Variants in KCNJ3 observed in about 807,000 individuals in gnomAD.
KCNJ3 encodes the protein potassium inwardly rectifying channel subfamily J member 3, also known as G protein-activated inward rectifier potassium channel 1.
A neutral mutation model predicts 39.2 loss-of-function variants in KCNJ3; 4 were observed. The observed-to-expected ratio is 0.10, with a 90% confidence interval of 0.05 to 0.23. The LOEUF (loss-of-function observed/expected upper bound fraction) is 0.23, where lower values mean the gene tolerates loss of function less well. Among genes scored for constraint, KCNJ3 ranks in the 10% least tolerant of loss-of-function variants. The pLI, the probability that KCNJ3 is intolerant of heterozygous loss-of-function variation, is 1.00. For synonymous variants in KCNJ3, 230 were observed against 237.4 expected, an observed-to-expected ratio of 0.97 and a Z score of 0.29; for missense variants, 276 against 634.9, an observed-to-expected ratio of 0.43 and a Z score of 6.08.
intron 2 of KCNJ3, among the ~76,000 whole-genome samples, chr2:154,762,089 C>G (rs1686056640): frequency 6.6e-6 from 1 of 152,184 alleles, no homozygotes; most frequent in Non-Finnish European, 1.5e-5. Context: ...AATGAACGCT[C>G]CCTTGGAGCC....
intron 2 of KCNJ3, among the ~76,000 whole-genome samples, chr2:154,725,187 A>T (rs1186284796): frequency 6.6e-6 from 1 of 150,650 alleles, no homozygotes; most frequent in Non-Finnish European, 1.5e-5. Context: ...TTTTGATCAC[A>T]TTCCCACCTT....
chr2:154,730,211 A>G (rs1287088394), intron 2 of KCNJ3, among the ~76,000 whole-genome samples: 1 of 152,054 alleles, frequency 6.6e-6, no homozygotes, highest in Non-Finnish European at 1.5e-5. Flanking sequence ...TTATCTCTCC[A>G]TTGCATTGGT....
At chr2:154,793,189 C>T (rs960577441) in intron 2 of KCNJ3, among the ~76,000 whole-genome samples, 5 of 152,028 alleles carry the variant, frequency 3.3e-5, no homozygotes, top group African/African-American at 1.2e-4. Context: ...AAGCATAGGT[C>T]ATAAAGATTA....
rs992254837 is a variant in KCNJ3, at chr2:154,787,162, A to G, written c.920-67565A>G. Among the ~76,000 whole-genome samples the G allele has an allele frequency of 2.6e-5, 4 of 152,288 alleles. No individual in the cohort carries two copies. In the East Asian group the frequency reaches 7.7e-4, roughly 29 times the overall value. ...GAAAGGAAAGAAAAGAACTTTTAAT[A>G]TTCTGTTGTGGAATTATGGCTCTCT... On this transcript the variant is annotated intron_variant, in intron 2 of 2. Transcript: ENST00000295101.
intron 2 of KCNJ3, among the ~76,000 whole-genome samples, chr2:154,760,999 A>G (rs1250988917): frequency 6.7e-6 from 1 of 150,160 alleles, no homozygotes; most frequent in Non-Finnish European, 1.5e-5. Context: ...GGCCTCCCAA[A>G]GTGCTGGGAT....
chr2:154,797,323 A>G (rs1384207019), intron 2 of KCNJ3, among the ~76,000 whole-genome samples: 3 of 152,190 alleles, frequency 2.0e-5, no homozygotes, highest in African/African-American at 7.2e-5. Context: ...ATTTTTTGGA[A>G]AAAGCCTTTT....
At chr2:154,792,670 C>T (rs531727182) in intron 2 of KCNJ3, among the ~76,000 whole-genome samples, 5 of 152,228 alleles carry the variant, frequency 3.3e-5, no homozygotes, top group Non-Finnish European at 5.9e-5. Context: ...GAATCATTCT[C>T]TACTTTTTCA....
At chr2:154,775,643 A>G (rs947306246) in intron 2 of KCNJ3, among the ~76,000 whole-genome samples, 1 of 152,248 alleles carries the variant, frequency 6.6e-6, no homozygotes, top group Non-Finnish European at 1.5e-5. Context: ...TTGAATTTAG[A>G]ACACATTTTT....
At chr2:154,835,976 C>T (rs959232063) in intron 2 of KCNJ3, among the ~76,000 whole-genome samples, 3 of 151,954 alleles carry the variant, frequency 2.0e-5, no homozygotes, top group Non-Finnish European at 2.9e-5. Flanking sequence ...TTTGGGAGGC[C>T]GAGGCAGGTT....
chr2:154,732,465 C>T (rs1420115528), intron 2 of KCNJ3, among the ~76,000 whole-genome samples: 3 of 152,068 alleles, frequency 2.0e-5, no homozygotes, highest in Admixed American at 6.5e-5. Context: ...AAACATCTTA[C>T]AGGCTCATAT....
intron 2 of KCNJ3, among the ~76,000 whole-genome samples, chr2:154,821,281 A>G (rs1687168335): frequency 6.6e-6 from 1 of 152,230 alleles, no homozygotes; most frequent in Non-Finnish European, 1.5e-5. Context: ...AAAGAAAGTG[A>G]AAATGGTATT....
intron 2 of KCNJ3, among the ~76,000 whole-genome samples, chr2:154,776,825 T>G (rs920313896): frequency 1.3e-5 from 2 of 152,146 alleles, no homozygotes; most frequent in Non-Finnish European, 2.9e-5. Flanking sequence ...TCTTTGGTCT[T>G]TATTTTTACA....
At chr2:154,721,279 G>A (rs929011459) in intron 2 of KCNJ3, among the ~76,000 whole-genome samples, 4 of 152,016 alleles carry the variant, frequency 2.6e-5, no homozygotes, top group African/African-American at 9.7e-5. Context: ...CTTTGTTCTT[G>A]AACTTTCTAT....
At position 154,748,014 on chromosome 2, in the gene KCNJ3, C is replaced by T. The variant is rs566970087; in HGVS notation, c.919+38195C>T. 3.9e-5 allele frequency among the ~76,000 whole-genome samples: 6 copies of T among 152,088 alleles called. No individual in the cohort carries two copies. The East Asian group carries it at 1.2e-3, about 29-fold the overall frequency. The stretch of plus-strand genomic sequence containing the variant: ...GCCGCTTTGGGAATCTAATAAAACC[C>T]TAGAACCCTAGAGATTGTTGAGGCC... On this transcript the variant is annotated intron_variant, in intron 2 of 2. Transcript: ENST00000295101.
At chr2:154,791,061 A>G (rs1686620189) in intron 2 of KCNJ3, among the ~76,000 whole-genome samples, 1 of 152,092 alleles carries the variant, frequency 6.6e-6, no homozygotes, top group African/African-American at 2.4e-5. Flanking sequence ...GGAGGTGAGG[A>G]AGAACACAGG....
At chr2:154,720,212 C>T (rs1453454190) in intron 2 of KCNJ3, among the ~76,000 whole-genome samples, 1 of 151,924 alleles carries the variant, frequency 6.6e-6, no homozygotes, top group East Asian at 1.9e-4. Flanking sequence ...GGAAGACCAT[C>T]AATTCTTTGT....
intron 2 of KCNJ3, among the ~76,000 whole-genome samples, chr2:154,752,309 T>C (rs915174781): frequency 2.6e-5 from 4 of 151,970 alleles, no homozygotes; most frequent in African/African-American, 7.2e-5. Context: ...CTAGGAAATG[T>C]GATGGAAAAA....
chr2:154,732,385 A>G (rs563846505), intron 2 of KCNJ3, among the ~76,000 whole-genome samples: 1 of 152,066 alleles, frequency 6.6e-6, no homozygotes, highest in African/African-American at 2.4e-5. Context: ...TATTTTTCTT[A>G]CCCATTGGTG....
chr2:154,762,608 G>A (rs938535318), intron 2 of KCNJ3, among the ~76,000 whole-genome samples: 14 of 152,052 alleles, frequency 9.2e-5, no homozygotes, highest in African/African-American at 3.4e-4. Context: ...TTTTAAAATA[G>A]GGTTTATAAT....
Sources: gnomAD v4.1 joint callset for allele counts (sites outside exome capture counted in the v4.1 genomes callset) on GRCh38, gnomAD v4.1.1 for gene constraint, MANE v1.5 for transcripts, NCBI Gene and HGNC (gene_info 2026-07-23, HGNC 2026-07-21) for gene names.